The following EVI5 variants were observed in gnomAD, a reference collection of about 807,000 sequenced individuals.
EVI5 encodes the protein ecotropic viral integration site 5, also known as ecotropic viral integration site 5 protein homolog.
A neutral mutation model predicts 112.0 loss-of-function variants in EVI5; 73 were observed. The ratio of observed to expected loss-of-function variants is 0.65; its 90% CI spans 0.54 to 0.79. The LOEUF (loss-of-function observed/expected upper bound fraction) is 0.79. Ranked by LOEUF, EVI5 falls within the 30% of genes least tolerant of loss-of-function variation. The probability of loss-of-function intolerance (pLI) is 0.00; values close to 1 mark genes in which losing one functional copy is unlikely to be tolerated. For missense variants in EVI5, 900 were observed against 968.8 expected, an observed-to-expected ratio of 0.93 and a Z score of 0.94; for synonymous variants, 305 against 319.9, an observed-to-expected ratio of 0.95 and a Z score of 0.50.
At chr1:92,748,479 C>T (rs1368714141) in intron 1 of EVI5, among the ~76,000 whole-genome samples, 5 of 152,156 alleles carry the variant, frequency 3.3e-5, no homozygotes, top group Non-Finnish European at 7.3e-5. Flanking sequence ...ATTCCTGACC[C>T]ACAGAATCTA....
intron 10 of EVI5, among the ~76,000 whole-genome samples, chr1:92,673,043 T>C (rs1666129044): frequency 6.6e-6 from 1 of 152,172 alleles, no homozygotes; most frequent in Admixed American, 6.5e-5. Flanking sequence ...AACCCTTTAA[T>C]AATGCTGTTT....
chr1:92,785,905 C>T (rs1384487744), upstream of EVI5, among the ~76,000 whole-genome samples: 3 of 151,782 alleles, frequency 2.0e-5, no homozygotes, highest in Non-Finnish European at 4.4e-5. Flanking sequence ...CATGGTGAAA[C>T]CCCGTCTCTA....
intron 14 of EVI5, among the ~76,000 whole-genome samples, chr1:92,630,286 A>T (rs1282794021): frequency 6.6e-6 from 1 of 152,238 alleles, no homozygotes; most frequent in Non-Finnish European, 1.5e-5. Context: ...TCCCACCAAC[A>T]GCGTAAAAGT....
chr1:92,792,286 C>T (rs1686156053), intron 1 of EVI5: 1 of 1,104,828 alleles, frequency 9.1e-7, no homozygotes, highest in Non-Finnish European at 1.4e-6. Flanking sequence ...CTTTCTGTTA[C>T]AGCAATTACA....
At chr1:92,644,156 G>T (rs1179999316) in intron 13 of EVI5, among the ~76,000 whole-genome samples, 2 of 152,092 alleles carry the variant, frequency 1.3e-5, no homozygotes, top group African/African-American at 4.8e-5. Flanking sequence ...AGAGAGTCTG[G>T]GATAACCAAA....
At chr1:92,740,558 C>T (rs1488651439) in intron 1 of EVI5, among the ~76,000 whole-genome samples, 4 of 152,142 alleles carry the variant, frequency 2.6e-5, no homozygotes, top group East Asian at 1.9e-4. Flanking sequence ...GTTCCTTCCT[C>T]GAGATGAGTG....
intron 2 of EVI5, among the ~76,000 whole-genome samples, 181 bp from the exon 3 acceptor site, chr1:92,704,925 C>T (rs1490833010): frequency 1.3e-5 from 2 of 151,510 alleles, no homozygotes; most frequent in African/African-American, 2.4e-5. Context: ...ATTTTTTTCA[C>T]CTATTATAGC....
intron 19 of EVI5, among the ~76,000 whole-genome samples, chr1:92,553,772 A>ATGTT (rs1306404816): frequency 6.6e-6 from 1 of 152,190 alleles, no homozygotes; most frequent in African/African-American, 2.4e-5. Context: ...AGACTACAGT[A>ATGTT]TGTTATACAT....
At chr1:92,735,652 A>ATGATATATGTCATATAT (rs3042601) in intron 2 of EVI5, among the ~76,000 whole-genome samples, 2 of 142,320 alleles carry the variant, frequency 1.4e-5, no homozygotes, top group Non-Finnish European at 3.0e-5. Flanking sequence ...ATATATATAT[A>ATGATATATGTCATATAT]ATTATATAAT....
intron 19 of EVI5, among the ~76,000 whole-genome samples, chr1:92,559,118 C>T (rs1668122373): frequency 6.6e-6 from 1 of 152,122 alleles, no homozygotes; most frequent in Admixed American, 6.5e-5. Flanking sequence ...CTCTAGATAA[C>T]TTATAATACC....
chr1:92,619,535 G>A (rs1654042738), intron 16 of EVI5, among the ~76,000 whole-genome samples: 1 of 151,676 alleles, frequency 6.6e-6, no homozygotes, highest in Non-Finnish European at 1.5e-5. Flanking sequence ...AAATAACTGT[G>A]ATTAATATGC....
At chr1:92,754,969 A>G (rs977256613) in intron 1 of EVI5, among the ~76,000 whole-genome samples, 2 of 152,158 alleles carry the variant, frequency 1.3e-5, no homozygotes, top group Non-Finnish European at 2.9e-5. Flanking sequence ...GTTTATAAAC[A>G]TACATGTAAG....
intron 16 of EVI5, among the ~76,000 whole-genome samples, chr1:92,615,174 G>C (rs1297322350): frequency 6.6e-6 from 1 of 152,090 alleles, no homozygotes; most frequent in African/African-American, 2.4e-5. Flanking sequence ...ATTTGTGAGA[G>C]GCAAGCAGTT....
intron 2 of EVI5, among the ~76,000 whole-genome samples, chr1:92,708,977 T>C (rs1170313159): frequency 6.6e-6 from 1 of 152,156 alleles, no homozygotes; most frequent in African/African-American, 2.4e-5. Context: ...AGACTGCTAA[T>C]GTGTGTGCAG....
chr1:92,753,654 A>C (rs1035466378), intron 1 of EVI5, among the ~76,000 whole-genome samples: 1 of 152,196 alleles, frequency 6.6e-6, no homozygotes, highest in African/African-American at 2.4e-5. Context: ...CATCACATGT[A>C]GCTAGGGGCC....
intron 13 of EVI5, among the ~76,000 whole-genome samples, chr1:92,657,759 A>G (rs1050120400): frequency 3.2e-4 from 48 of 152,234 alleles, no homozygotes; most frequent in African/African-American, 1.1e-3. Flanking sequence ...AAAGAGGTTT[A>G]ATAGGCTTAT....
chr1:92,688,095 G>A (rs948875764), intron 9 of EVI5, among the ~76,000 whole-genome samples: 4 of 152,158 alleles, frequency 2.6e-5, no homozygotes, highest in Non-Finnish European at 5.9e-5. Context: ...TATATTTATT[G>A]CGGCACTATT....
At chr1:92,768,711 C>CA (rs925537978) in intron 1 of EVI5, among the ~76,000 whole-genome samples, 4 of 152,060 alleles carry the variant, frequency 2.6e-5, no homozygotes, top group African/African-American at 4.8e-5. Flanking sequence ...CCCATCTCTA[C>CA]AAAAAATACA....
intron 1 of EVI5, among the ~76,000 whole-genome samples, chr1:92,768,738 G>A (rs764714486): frequency 6.6e-6 from 1 of 152,102 alleles, no homozygotes; most frequent in African/African-American, 2.4e-5. Context: ...AGCCGGGTGT[G>A]GCAGCACATG....
Sources: allele counts gnomAD v4.1 joint callset (sites outside exome capture counted in the v4.1 genomes callset), GRCh38; gene constraint gnomAD v4.1.1; transcripts MANE v1.5; gene names NCBI Gene and HGNC (gene_info 2026-07-23, HGNC 2026-07-21).